CALD1: variants seen among roughly 807,000 people sequenced by gnomAD.
The protein encoded by CALD1 is caldesmon.
Under a neutral mutation model 99.9 loss-of-function variants are expected in CALD1, and 33 were observed. The ratio of observed to expected loss-of-function variants is 0.33; its 90% CI spans 0.25 to 0.44. CALD1 has a LOEUF of 0.44. Among genes scored for constraint, CALD1 ranks in the 20% least tolerant of loss-of-function variants. The pLI, the probability that CALD1 is intolerant of heterozygous loss-of-function variation, is 1.00. For synonymous variants in CALD1, 310 were observed against 325.0 expected (o/e 0.95, Z 0.50); for missense variants, 861 against 962.1 (o/e 0.89, Z 1.39).
chr7:134,848,745 TTATAAA>T (rs1298714450), intron 2 of CALD1, among the ~76,000 whole-genome samples: 16 of 152,232 alleles, frequency 1.1e-4, no homozygotes, highest in Non-Finnish European at 7.3e-5. Context: ...AATTACAAAA[TTATAAA>T]TATAAAGACA....
rs561711594 is a variant in CALD1 at position 134,947,995 on chromosome 7, C to A, written c.1794+226C>A. 106 of 480,908 alleles carry A rather than the reference C, an allele frequency of 2.2e-4. 1 individual carries two copies. In the East Asian group the frequency reaches 3.5e-3, roughly 16 times the overall value. 29.8% of individuals were successfully genotyped at this position (480,908 alleles called of 1,614,324 possible). A position where few individuals can be genotyped will look rare whatever the true frequency, so the allele number is the denominator to read the frequency against. On this transcript the variant is annotated intron_variant, in intron 8 of 14. Coordinates refer to ENST00000361675, the MANE Select transcript of CALD1 (RefSeq NM_033138.4). ...CATTTTACAGATGAGAAAACTGAGG[C>A]ACAGAGAGGTTTTGTTTTTGTTTTT...
intron 3 of CALD1, among the ~76,000 whole-genome samples, chr7:134,873,011 T>C (rs1284771441): frequency 6.6e-6 from 1 of 151,818 alleles, no homozygotes; most frequent in Non-Finnish European, 1.5e-5. Flanking sequence ...GGTGAAACCC[T>C]GTCTCTACTA....
intron 8 of CALD1, chr7:134,948,155 T>C (rs1233456773): frequency 6.2e-6 from 1 of 162,182 alleles, no homozygotes; most frequent in East Asian, 1.8e-4. Context: ...GTCTGCAAAT[T>C]AGTTACCAGA....
the CALD1 span, chr7:134,734,925 C>T: frequency 2.4e-5 from 4 of 169,202 alleles, no homozygotes; most frequent in African/African-American, 9.6e-5. Flanking sequence ...CATCCCACTC[C>T]TTAAACGCTC....
chr7:134,753,091 A>T (rs1380096069), intron 1 of CALD1, among the ~76,000 whole-genome samples: 2 of 152,024 alleles, frequency 1.3e-5, no homozygotes, highest in East Asian at 3.8e-4. Flanking sequence ...TTCAGACAGA[A>T]TATAATTAAT....
chr7:134,754,497 A>T (rs536279464), intron 1 of CALD1, among the ~76,000 whole-genome samples: 26 of 152,314 alleles, frequency 1.7e-4, no homozygotes, highest in African/African-American at 6.0e-4. Context: ...TGAAAGGTAA[A>T]CCTAAAACCC....
chr7:134,966,539 G>A (rs1808694104), intron 14 of CALD1, among the ~76,000 whole-genome samples: 3 of 152,120 alleles, frequency 2.0e-5, no homozygotes, highest in Admixed American at 1.3e-4. Context: ...GAGGTAAGTA[G>A]TTTATCATTC....
chr7:134,911,122 G>A lies in CALD1; in HGVS notation c.72-17632G>A, dbSNP rs571582734. 2.2e-3 allele frequency among the ~76,000 whole-genome samples: 332 copies of A among 151,842 alleles called. 2 individuals are homozygous for A. The highest frequency in any genetic ancestry group is 7.8e-3 in the African/African-American group (322 of 41,388). The stretch of plus-strand genomic sequence containing the variant: ...CAAGCCTAGCTTTTAGTAGGCTGCC[G>A]CCGCCACTCCTCGGTTGGTTTAATA... On this transcript the variant is annotated intron_variant, in intron 3 of 14. Transcript: ENST00000361675.
At chr7:134,828,406 T>C (rs994720162) in intron 1 of CALD1, among the ~76,000 whole-genome samples, 3 of 152,190 alleles carry the variant, frequency 2.0e-5, no homozygotes, top group African/African-American at 4.8e-5. Flanking sequence ...TGGAGAGATT[T>C]GGGTATTTGC....
At chr7:134,908,484 A>G (rs1803563323) in intron 3 of CALD1, among the ~76,000 whole-genome samples, 1 of 152,148 alleles carries the variant, frequency 6.6e-6, no homozygotes, top group Non-Finnish European at 1.5e-5. Flanking sequence ...CTGCCTTTTA[A>G]CTTAACTGCA....
At chr7:134,967,083 G>A (rs1466794863) in intron 14 of CALD1, among the ~76,000 whole-genome samples, 1 of 152,128 alleles carries the variant, frequency 6.6e-6, no homozygotes, top group East Asian at 1.9e-4. Context: ...CAGTATAACG[G>A]AGTCTCTCTG....
At position 134,947,780 on chromosome 7, in the gene CALD1, C is replaced by CGCTA. The variant is rs1271528552; in HGVS notation, c.1794+14_1794+17dup. The CGCTA allele has an allele frequency of 6.2e-7, 1 of 1,608,974 alleles. No homozygotes were observed. The highest frequency in any genetic ancestry group is 8.5e-7 in the Non-Finnish European group (1 of 1,177,540). ...AAACTCAGAGAGGAGGTAAGGCGGG[C>CGCTA]GCTAGCCCACTGAGAACGTTGCCCG... is the stretch of plus-strand genomic sequence containing the variant. On this transcript the variant is annotated intron_variant, in intron 8 of 14. Coordinates refer to ENST00000361675, the MANE Select transcript of CALD1 (RefSeq NM_033138.4).
chr7:134,776,086 A>T (rs1399048697), upstream of CALD1, among the ~76,000 whole-genome samples: 1 of 152,176 alleles, frequency 6.6e-6, no homozygotes, highest in Non-Finnish European at 1.5e-5. Flanking sequence ...TATAGCAAAT[A>T]AAGACCTTTA....
rs1807013971 is a variant in CALD1, at chr7:134,947,756, A to G, written c.1781A>G (p.Lys594Arg). The G allele has an allele frequency of 6.2e-7, 1 of 1,613,884 alleles. No individual in the cohort carries two copies. The highest frequency in any genetic ancestry group is 1.1e-5 in the South Asian group (1 of 91,070). The stretch of plus-strand genomic sequence containing the variant: ...AGGAAGCAGGAGGAAGCCGATCGAA[A>G]ACTCAGAGAGGAGGTAAGGCGGGCG... ...QRRKQEEADR[K>R]LREEEEKRRL... Residue 594 changes from lysine (K) to arginine (R), a missense_variant, in exon 8 of 15, where the codon AAA (lysine) becomes AGA (arginine). Around this residue, in one of 5 missense-constraint regions of CALD1, gnomAD observed 190 missense variants for 249.0 expected, o/e 0.76. Transcript: ENST00000361675.
At chr7:134,963,474 T>C (rs1471905091) in intron 13 of CALD1, among the ~76,000 whole-genome samples, 1 of 152,230 alleles carries the variant, frequency 6.6e-6, no homozygotes, top group African/African-American at 2.4e-5. Flanking sequence ...TTTAGATCAG[T>C]GTCCACGGGT....
At chr7:134,832,536 A>G (rs529399265) in intron 1 of CALD1, among the ~76,000 whole-genome samples, 1 of 152,328 alleles carries the variant, frequency 6.6e-6, no homozygotes, top group South Asian at 2.1e-4. Flanking sequence ...TGAAAATGTG[A>G]TTGCTTATTC....
intron 1 of CALD1, among the ~76,000 whole-genome samples, chr7:134,807,672 C>T (rs1798197285): frequency 6.6e-6 from 1 of 152,160 alleles, no homozygotes; most frequent in Admixed American, 6.6e-5. Context: ...TGCCTCTTCA[C>T]AGTTGTCTGG....
the CALD1 span, among the ~76,000 whole-genome samples, chr7:134,714,093 G>A: frequency 3.3e-5 from 5 of 152,124 alleles, no homozygotes; most frequent in Non-Finnish European, 7.4e-5. Context: ...CTCCAGGCAT[G>A]GAAGATGTGC....
the CALD1 span, among the ~76,000 whole-genome samples, chr7:134,728,231 G>A: frequency 6.6e-6 from 1 of 152,220 alleles, no homozygotes; most frequent in South Asian, 2.1e-4. Flanking sequence ...AACTTCAGCT[G>A]AATTAAATTT....
Sources: gnomAD v4.1 joint callset for allele counts (sites outside exome capture counted in the v4.1 genomes callset) on GRCh38, gnomAD v4.1.1 for gene constraint, gnomAD v4.1.1 regional missense constraint, MANE v1.5 for transcripts, NCBI Gene and HGNC (gene_info 2026-07-23, HGNC 2026-07-21) for gene names.